Variants in RBFOX1 observed in about 807,000 individuals in gnomAD.
RBFOX1 encodes RNA binding fox-1 homolog 1, also known as RNA binding protein fox-1 homolog 1.
RBFOX1 carries 8 observed loss-of-function variants against 57.7 expected under a neutral mutation model. That is an observed-to-expected ratio of 0.14 (90% CI 0.08 to 0.25). The LOEUF is 0.25. Ranked by LOEUF, RBFOX1 falls within the 10% of genes least tolerant of loss-of-function variation. The pLI is 1.00. For synonymous variants in RBFOX1, 326 were observed against 222.4 expected, an observed-to-expected ratio of 1.47 and a Z score of -4.15; for missense variants, 611 against 548.5, an observed-to-expected ratio of 1.11 and a Z score of -1.14.
chr16:6,117,046 C>G (rs1597450943), intron 1 of RBFOX1, among the ~76,000 whole-genome samples: 1 of 152,078 alleles, frequency 6.6e-6, no homozygotes, highest in Non-Finnish European at 1.5e-5. Flanking sequence ...TTTAAAATTC[C>G]TCTGCAACTC....
intron 2 of RBFOX1, among the ~76,000 whole-genome samples, chr16:5,563,326 C>T (rs974687593): frequency 6.6e-6 from 1 of 152,114 alleles, no homozygotes; most frequent in South Asian, 2.1e-4. Flanking sequence ...AAAACACCTC[C>T]TAGGTGAACT....
chr16:6,417,694 A>G (rs1327043242), intron 2 of RBFOX1, among the ~76,000 whole-genome samples: 2 of 91,724 alleles, frequency 2.2e-5, no homozygotes, highest in African/African-American at 5.8e-5. Flanking sequence ...CTGGCCTTAA[A>G]CTCCTTTCTT....
intron 4 of RBFOX1, among the ~76,000 whole-genome samples, chr16:7,094,471 A>C (rs138476914): frequency 2.6e-5 from 4 of 152,226 alleles, no homozygotes; most frequent in Non-Finnish European, 4.4e-5. Context: ...TGCTATTTCA[A>C]GTGGTTCTGG....
intron 3 of RBFOX1, among the ~76,000 whole-genome samples, chr16:5,853,991 A>G (rs2056962180): frequency 6.6e-6 from 1 of 152,208 alleles, no homozygotes; most frequent in Non-Finnish European, 1.5e-5. Context: ...TATTGACTAT[A>G]TTTGATCATA....
At chr16:7,245,969 A>G (rs1307971211) in intron 4 of RBFOX1, among the ~76,000 whole-genome samples, 1 of 152,214 alleles carries the variant, frequency 6.6e-6, no homozygotes, top group Non-Finnish European at 1.5e-5. Flanking sequence ...CCTGAAAAAA[A>G]GTATAGATTG....
chr16:5,401,788 CCTCCTCTTT>C (rs2066723298), intron 1 of RBFOX1, among the ~76,000 whole-genome samples: 2 of 137,730 alleles, frequency 1.5e-5, no homozygotes, highest in Non-Finnish European at 3.1e-5. Flanking sequence ...TCCTCCTCCT[CCTCCTCTTT>C]CTCCTCCTCC....
At chr16:7,288,588 C>G (rs1025824325) in intron 4 of RBFOX1, among the ~76,000 whole-genome samples, 4 of 152,188 alleles carry the variant, frequency 2.6e-5, no homozygotes, top group African/African-American at 7.2e-5. Context: ...CACCTATAAC[C>G]CCAGTACTTT....
At chr16:7,221,598 C>G (rs1191300270) in intron 4 of RBFOX1, among the ~76,000 whole-genome samples, 1 of 152,148 alleles carries the variant, frequency 6.6e-6, no homozygotes, top group African/African-American at 2.4e-5. Flanking sequence ...AACTCCTGAC[C>G]TCAGGTGATC....
intron 3 of RBFOX1, among the ~76,000 whole-genome samples, chr16:6,832,636 C>G (rs1270789705): frequency 1.3e-5 from 2 of 152,144 alleles, no homozygotes; most frequent in African/African-American, 4.8e-5. Flanking sequence ...TGCTTCCTGC[C>G]TCCTTGCTGC....
chr16:5,670,168 G>A (rs1319343725), intron 3 of RBFOX1, among the ~76,000 whole-genome samples: 1 of 152,050 alleles, frequency 6.6e-6, no homozygotes, highest in Non-Finnish European at 1.5e-5. Context: ...GTTACTGGGG[G>A]CTGGGGGCTG....
intron 3 of RBFOX1, among the ~76,000 whole-genome samples, chr16:5,618,487 G>A (rs1210175613): frequency 6.6e-6 from 1 of 152,050 alleles, no homozygotes; most frequent in African/African-American, 2.4e-5. Flanking sequence ...ACAGGCGCCC[G>A]CCATCACGCC....
chr16:5,593,494 GA>G (rs977628546), intron 2 of RBFOX1, among the ~76,000 whole-genome samples: 2 of 151,782 alleles, frequency 1.3e-5, no homozygotes, highest in South Asian at 2.1e-4. Context: ...GTATAATTTA[GA>G]AAAAAAAGAT....
chr16:7,697,834 C>G (rs1371260707), intron 14 of RBFOX1, among the ~76,000 whole-genome samples: 1 of 152,146 alleles, frequency 6.6e-6, no homozygotes, highest in Non-Finnish European at 1.5e-5. Flanking sequence ...AGTCGGATGA[C>G]AAAGTTGTTA....
chr16:7,407,735 T>C (rs1483409845), intron 4 of RBFOX1, among the ~76,000 whole-genome samples: 1 of 152,226 alleles, frequency 6.6e-6, no homozygotes, highest in Non-Finnish European at 1.5e-5. Flanking sequence ...CTAGAGACTG[T>C]GCAAGTCTTC....
At chr16:7,483,037 A>T (rs1355442778) in intron 4 of RBFOX1, among the ~76,000 whole-genome samples, 2 of 152,134 alleles carry the variant, frequency 1.3e-5, no homozygotes, top group Non-Finnish European at 2.9e-5. Flanking sequence ...TCAGCCTGGA[A>T]CACCGTGGGA....
chr16:6,364,782 G>A (rs8044038), intron 2 of RBFOX1, among the ~76,000 whole-genome samples: 27,226 of 152,188 alleles, frequency 0.18, 7,585 homozygotes, highest in African/African-American at 0.59. Context: ...CTTGTGGGTG[G>A]AAAAGTTGAC....
In RBFOX1 at chr16:7,240,938, A is replaced by C. The variant is rs1004504645; in HGVS notation, c.27+188840A>C. Among the ~76,000 whole-genome samples the C allele has an allele frequency of 2.0e-5, 3 of 152,246 alleles. No individual in the cohort carries two copies. In the South Asian group the frequency reaches 6.2e-4, roughly 31 times the overall value. On this transcript the variant is annotated intron_variant, in intron 4 of 15. Transcript: ENST00000550418. The stretch of plus-strand genomic sequence containing the variant: ...TTAGATCTTAAACAGCAGCACAAAA[A>C]GTTTCTAACTTTGTTGGAACATTCT...
intron 4 of RBFOX1, among the ~76,000 whole-genome samples, chr16:7,213,923 G>A (rs2091591529): frequency 7.1e-6 from 1 of 141,254 alleles, no homozygotes. Context: ...CAGGAACTCT[G>A]AAGTGGTGGG....
chr16:7,382,110 G>A (rs753613050), intron 4 of RBFOX1, among the ~76,000 whole-genome samples: 2 of 152,142 alleles, frequency 1.3e-5, no homozygotes, highest in Admixed American at 6.5e-5. Context: ...CCTATTCTGA[G>A]AAAACAATAT....
Sources: allele counts gnomAD v4.1 joint callset (sites outside exome capture counted in the v4.1 genomes callset), GRCh38; gene constraint gnomAD v4.1.1; transcripts MANE v1.5; gene names NCBI Gene and HGNC (gene_info 2026-07-23, HGNC 2026-07-21).